Variants in CDH18 observed in about 807,000 individuals in gnomAD.
The protein encoded by CDH18 is cadherin 18.
In CDH18, 31 loss-of-function variants were observed where a neutral mutation model predicts 67.9. The ratio of observed to expected loss-of-function variants is 0.46; its 90% confidence interval spans 0.34 to 0.62. The LOEUF (loss-of-function observed/expected upper bound fraction) is 0.62, where lower values mean the gene tolerates loss of function less well. Among genes scored for constraint, CDH18 ranks in the 20% least tolerant of loss-of-function variants. CDH18 has a pLI of 0.01. For missense variants in CDH18, 890 were observed against 975.5 expected (o/e 0.91, Z 1.17); for synonymous variants, 362 against 347.2 (o/e 1.04, Z -0.48).
intron 3 of CDH18, among the ~76,000 whole-genome samples, chr5:19,818,196 G>A (rs1017715030): frequency 1.3e-5 from 2 of 152,044 alleles, no homozygotes; most frequent in Non-Finnish European, 2.9e-5. Context: ...ATTTTACAAA[G>A]ATGCAAGGAA....
In CDH18 at chr5:19,929,371, C is replaced by T. The variant is rs959897513; in HGVS notation, c.-257+51689G>A. 3.9e-5 allele frequency among the ~76,000 whole-genome samples: 6 copies of T among 152,150 alleles called. 1 individual carries two copies. The highest frequency in any genetic ancestry group is 6.6e-5 in the Admixed American group (1 of 15,264). ...AGAGCATTACTATATGCAGAGGACA[C>T]AGCAAGCATTAGGAAACAGACTGAC... On this transcript the variant is annotated intron_variant, in intron 2 of 12. Transcript: ENST00000382275.
intron 5 of CDH18, among the ~76,000 whole-genome samples, chr5:19,695,289 C>T (rs1489428236): frequency 6.6e-6 from 1 of 152,114 alleles, no homozygotes; most frequent in African/African-American, 2.4e-5. Context: ...TGAACAAGTA[C>T]ACATTAAGGT....
rs150423673 is a variant in CDH18 at position 20,034,582 on chromosome 5, A to G, written c.-517-42568T>C. ...TTGGTTGGCCTCATTCAATCCATCG[A>G]AGGTCTGAATATTTTCTCTGCCTGA... is the stretch of plus-strand genomic sequence containing the variant. On this transcript the variant is annotated intron_variant, in intron 2 of 14. Transcript: ENST00000507958. Among the ~76,000 whole-genome samples, 493 of 152,120 alleles carry G rather than the reference A, an allele frequency of 3.2e-3. 2 individuals are homozygous for G. The highest frequency in any genetic ancestry group is 6.5e-3 in the Admixed American group (99 of 15,244).
At chr5:19,986,504 T>C (rs1799577805) in intron 1 of CDH18, among the ~76,000 whole-genome samples, 1 of 152,226 alleles carries the variant, frequency 6.6e-6, no homozygotes, top group Non-Finnish European at 1.5e-5. Flanking sequence ...GTTTGTTTGG[T>C]TGGTTTTTTA....
intron 2 of CDH18, among the ~76,000 whole-genome samples, chr5:20,219,460 C>T (rs1402415730): frequency 6.6e-6 from 1 of 150,738 alleles, no homozygotes; most frequent in Non-Finnish European, 1.5e-5. Flanking sequence ...GGAAGGGATA[C>T]TTCCAAACTT....
At chr5:20,407,623 T>C (rs1447414598) in intron 1 of CDH18, among the ~76,000 whole-genome samples, 1 of 151,344 alleles carries the variant, frequency 6.6e-6, no homozygotes, top group Non-Finnish European at 1.5e-5. Context: ...AAACATTCAA[T>C]AGAAGGATTC....
chr5:19,898,377 G>A (rs1789572980), intron 2 of CDH18, among the ~76,000 whole-genome samples: 1 of 151,704 alleles, frequency 6.6e-6, no homozygotes, highest in Non-Finnish European at 1.5e-5. Context: ...AATATACCAT[G>A]TCTTCTAATT....
Position 19,747,198 on chromosome 5 carries a change from C to A in CDH18, c.267G>T (p.Lys89Asn), listed in dbSNP as rs1159850442. 2 of 1,613,938 alleles carry A rather than the reference C, an allele frequency of 1.2e-6. No homozygotes were observed. Among genetic ancestry groups the A allele is most frequent in the Non-Finnish European group, 1.7e-6 (2 of 1,179,860 alleles). The change falls in exon 4 of 13, where the codon AAG becomes AAT. Residue 89 changes from lysine (K) to asparagine (N), a missense_variant. Coordinates refer to ENST00000382275, the MANE Select transcript of CDH18 (RefSeq NM_004934.5). ...SNSDKGDGSVKYILTGEGAGT... is the reference protein window; with the variant it reads ...SNSDKGDGSVNYILTGEGAGT... ...CAGCACCCTCTCCAGTAAGGATGTA[C>A]TTGACAGATCCATCACCTTTGTCAG...
intron 2 of CDH18, among the ~76,000 whole-genome samples, chr5:20,171,995 C>T (rs1213447447): frequency 1.3e-5 from 2 of 150,270 alleles, no homozygotes; most frequent in African/African-American, 2.4e-5. Context: ...TTCCTCATTG[C>T]TTATTTTGTA....
At chr5:19,835,092 T>C (rs1040569807) in intron 3 of CDH18, among the ~76,000 whole-genome samples, 2 of 152,104 alleles carry the variant, frequency 1.3e-5, no homozygotes, top group African/African-American at 4.8e-5. Flanking sequence ...TGCAGCACTA[T>C]TTACAATAGC....
intron 11 of CDH18, among the ~76,000 whole-genome samples, chr5:19,485,565 T>C (rs1740264140): frequency 6.6e-6 from 1 of 152,158 alleles, no homozygotes; most frequent in Non-Finnish European, 1.5e-5. Context: ...AGCTGTCTAT[T>C]TTTAAACATG....
chr5:20,426,992 G>T (rs1203778757), intron 1 of CDH18, among the ~76,000 whole-genome samples: 1 of 150,896 alleles, frequency 6.6e-6, no homozygotes, highest in Admixed American at 6.6e-5. Context: ...AATTAAATTG[G>T]ATTGTGATTG....
intron 1 of CDH18, among the ~76,000 whole-genome samples, chr5:20,291,237 T>A (rs928731101): frequency 2.6e-5 from 4 of 152,154 alleles, no homozygotes; most frequent in African/African-American, 9.7e-5. Context: ...GTTAAAAATA[T>A]TCAATTGAGA....
intron 1 of CDH18, among the ~76,000 whole-genome samples, chr5:20,548,675 T>C (rs1581184963): frequency 6.6e-6 from 1 of 152,198 alleles, no homozygotes; most frequent in Non-Finnish European, 1.5e-5. Context: ...TCTCTATTTA[T>C]GACTGAAGAA....
chr5:19,607,868 G>C (rs1345123203), intron 6 of CDH18, among the ~76,000 whole-genome samples: 2 of 151,614 alleles, frequency 1.3e-5, no homozygotes, highest in East Asian at 3.9e-4. Context: ...AATAGCTATA[G>C]GAGACAAATT....
At chr5:20,314,605 T>A (rs963503395) in intron 1 of CDH18, among the ~76,000 whole-genome samples, 3 of 152,094 alleles carry the variant, frequency 2.0e-5, no homozygotes, top group African/African-American at 7.2e-5. Context: ...ACTACTAGCA[T>A]GGACCCCATT....
chr5:20,126,341 C>G (rs1015634958), intron 2 of CDH18, among the ~76,000 whole-genome samples: 7 of 152,198 alleles, frequency 4.6e-5, no homozygotes, highest in African/African-American at 1.4e-4. Flanking sequence ...AAGTCTAACA[C>G]CTGAAACTAT....
chr5:20,560,498 CA>C (rs1758145427), intron 1 of CDH18, among the ~76,000 whole-genome samples: 5 of 151,388 alleles, frequency 3.3e-5, no homozygotes, highest in Admixed American at 6.6e-5. Flanking sequence ...CACACACACA[CA>C]CACACACACA....
intron 5 of CDH18, among the ~76,000 whole-genome samples, chr5:19,657,425 G>C (rs896871006): frequency 6.6e-6 from 1 of 151,986 alleles, no homozygotes; most frequent in African/African-American, 2.4e-5. Context: ...GACTTCAAAT[G>C]TCTCAATATA....
Sources: allele counts gnomAD v4.1 joint callset (sites outside exome capture counted in the v4.1 genomes callset), GRCh38; gene constraint gnomAD v4.1.1; transcripts MANE v1.5; gene names NCBI Gene and HGNC (gene_info 2026-07-23, HGNC 2026-07-21).